The following MCTS2 variants were observed in gnomAD, a reference collection of about 807,000 sequenced individuals.
The protein encoded by MCTS2 is malignant T-cell-amplified sequence 2.
At chr20:31,547,933 T>C in the MCTS2 span, 1 of 1,282,932 alleles carries the variant, frequency 7.8e-7, no homozygotes, top group Non-Finnish European at 1.1e-6. Flanking sequence ...GCATGCTCTG[T>C]GTGTTGGGGT....
At chr20:31,547,497 C>T in the MCTS2 span, 15,054 of 691,338 alleles carry the variant, frequency 0.022, 247 homozygotes, top group Non-Finnish European at 0.027. Context: ...CCGCTTCACC[C>T]TGGATCATGT....
At chr20:31,547,913 A>G in the MCTS2 span, 2 of 1,184,414 alleles carry the variant, frequency 1.7e-6, no homozygotes, top group Admixed American at 1.7e-5. Context: ...GTCACAGCGG[A>G]AGGAAAACAG....
At chr20:31,547,886 T>C in the MCTS2 span, 2 of 1,022,558 alleles carry the variant, frequency 2.0e-6, no homozygotes, top group Non-Finnish European at 3.1e-6. Flanking sequence ...CCTGCTGCAG[T>C]AGATACGATT....
At chr20:31,547,870 C>A in the MCTS2 span, 1 of 981,188 alleles carries the variant, frequency 1.0e-6, no homozygotes. Context: ...TGGAGCTAAG[C>A]TGTACCCTGC....
chr20:31,547,742 C>A, the MCTS2 span: 1 of 1,035,822 alleles, frequency 9.7e-7, no homozygotes, highest in Non-Finnish European at 1.5e-6. Flanking sequence ...CCTTTTTGTC[C>A]AACTCTAAGG....
At chr20:31,547,458 G>A in the MCTS2 span, 2 of 588,918 alleles carry the variant, frequency 3.4e-6, no homozygotes, top group South Asian at 4.3e-5. Context: ...CCGGAGCCTT[G>A]CCAATTCCGT....
At chr20:31,547,567 A>G in the MCTS2 span, 2 of 1,188,222 alleles carry the variant, frequency 1.7e-6, no homozygotes, top group Non-Finnish European at 2.4e-6. Context: ...AACGTCAGTT[A>G]TTAAGGGCAT....
chr20:31,547,488 C>G, the MCTS2 span: 7 of 647,642 alleles, frequency 1.1e-5, no homozygotes, highest in East Asian at 1.8e-4. Context: ...TGTTGTCGCC[C>G]GCTTCACCCT....
At chr20:31,547,387 C>T in the MCTS2 span, 7 of 403,640 alleles carry the variant, frequency 1.7e-5, no homozygotes, top group Admixed American at 4.7e-5. Flanking sequence ...TTAGCGACAA[C>T]GGCTCTGACC....
the MCTS2 span, chr20:31,547,530 A>G: frequency 2.4e-5 from 19 of 800,846 alleles, no homozygotes; most frequent in Non-Finnish European, 3.8e-5. Context: ...ATGAAAAGGA[A>G]AGTGTGTCCA....
chr20:31,547,985 G>A, the MCTS2 span: 1 of 1,579,298 alleles, frequency 6.3e-7, no homozygotes, highest in Non-Finnish European at 8.7e-7. Context: ...GTCAACAAAG[G>A]AATTGGCATT....
the MCTS2 span, chr20:31,547,911 G>A: frequency 2.0e-5 from 23 of 1,172,440 alleles, no homozygotes; most frequent in African/African-American, 1.4e-4. Flanking sequence ...CAGTCACAGC[G>A]GAAGGAAAAC....
chr20:31,547,776 C>T, the MCTS2 span: 1 of 940,670 alleles, frequency 1.1e-6, no homozygotes, highest in Middle Eastern at 2.3e-4. Context: ...ACCCTTTTAT[C>T]CTGCCACACC....
the MCTS2 span, chr20:31,547,979 AC>A: frequency 1.9e-6 from 3 of 1,574,170 alleles, no homozygotes; most frequent in Non-Finnish European, 2.6e-6. Context: ...GAGAAAGTCA[AC>A]AAAGGAATTG....
At chr20:31,547,741 C>G in the MCTS2 span, 1 of 1,048,626 alleles carries the variant, frequency 9.5e-7, no homozygotes, top group South Asian at 1.4e-5. Context: ...GCCTTTTTGT[C>G]CAACTCTAAG....
the MCTS2 span, chr20:31,548,049 A>G: frequency 1.3e-6 from 2 of 1,563,730 alleles, no homozygotes; most frequent in Non-Finnish European, 8.8e-7. Flanking sequence ...CATATAAATG[A>G]GCCTCAGAAG....
the MCTS2 span, chr20:31,547,500 G>A: frequency 2.9e-6 from 2 of 697,466 alleles, no homozygotes; most frequent in African/African-American, 1.8e-5. Context: ...CTTCACCCTG[G>A]ATCATGTTCA....
chr20:31,547,699 G>T, the MCTS2 span: 7 of 1,341,270 alleles, frequency 5.2e-6, no homozygotes, highest in Non-Finnish European at 7.3e-6. Context: ...TACCGTAAGT[G>T]GGGAATTATT....
At chr20:31,547,663 C>G in the MCTS2 span, 1 of 1,525,594 alleles carries the variant, frequency 6.6e-7, no homozygotes, top group South Asian at 1.2e-5. Context: ...CAAAATAGTC[C>G]GATGCCACGA....
Sources: gnomAD v4.1 joint callset for allele counts on GRCh38, gnomAD v4.1.1 for gene constraint, MANE v1.5 for transcripts, NCBI Gene and HGNC (gene_info 2026-07-23, HGNC 2026-07-21) for gene names.